OR6N1: variants seen among roughly 807,000 people sequenced by gnomAD.
OR6N1 encodes the protein olfactory receptor 6N1.
For missense variants in OR6N1, 394 were observed against 371.7 expected, an observed-to-expected ratio of 1.06 and a Z score of -0.49; for synonymous variants, 170 against 150.7, an observed-to-expected ratio of 1.13 and a Z score of -0.94.
At chr1:158,823,465 T>G in the OR6N1 span, among the ~76,000 whole-genome samples, 1 of 152,226 alleles carries the variant, frequency 6.6e-6, no homozygotes, top group South Asian at 2.1e-4. Context: ...GGAATTTACC[T>G]ATTTCTTCTA....
the OR6N1 span, among the ~76,000 whole-genome samples, chr1:158,802,472 A>G: frequency 2.0e-5 from 3 of 151,972 alleles, no homozygotes; most frequent in Non-Finnish European, 4.4e-5. Context: ...CCTCCCCGTC[A>G]TAGCTTTTCA....
At chr1:158,777,100 C>G, upstream of OR6N1, 1 of 1,614,104 alleles carries the variant, frequency 6.2e-7, no homozygotes, top group South Asian at 1.1e-5. Flanking sequence ...TGGAAAGTCA[C>G]AGAAAATGTG....
the OR6N1 span, among the ~76,000 whole-genome samples, chr1:158,822,780 T>C: frequency 2.6e-5 from 4 of 152,208 alleles, no homozygotes; most frequent in Non-Finnish European, 4.4e-5. Context: ...CATTCTTTTC[T>C]TGTTTTGGTT....
At chr1:158,778,255 G>C in the OR6N1 span, among the ~76,000 whole-genome samples, 26,617 of 152,076 alleles carry the variant, frequency 0.18, 2,655 homozygotes, top group South Asian at 0.48. Flanking sequence ...CAACCCTGTA[G>C]AGAAGCAGAC....
the OR6N1 span, among the ~76,000 whole-genome samples, chr1:158,802,883 A>G: frequency 6.5e-4 from 99 of 151,956 alleles, no homozygotes; most frequent in African/African-American, 2.4e-3. Context: ...TATCCTCAAT[A>G]TGTTCATCAA....
chr1:158,831,920 G>A, the OR6N1 span, among the ~76,000 whole-genome samples: 23 of 152,066 alleles, frequency 1.5e-4, no homozygotes, highest in Admixed American at 1.5e-3. Flanking sequence ...AAATTATTAT[G>A]AAGTAATATT....
chr1:158,818,663 A>G, the OR6N1 span, among the ~76,000 whole-genome samples: 5 of 152,306 alleles, frequency 3.3e-5, no homozygotes, highest in African/African-American at 1.2e-4. Context: ...GCCCAACAAT[A>G]TGCAATGCGC....
the OR6N1 span, chr1:158,777,762 C>T: frequency 3.2e-6 from 2 of 624,034 alleles, no homozygotes; most frequent in East Asian, 2.8e-5. Flanking sequence ...CTACTGTTGC[C>T]CTCACTACTA....
At chr1:158,788,148 T>G in the OR6N1 span, among the ~76,000 whole-genome samples, 3 of 152,198 alleles carry the variant, frequency 2.0e-5, no homozygotes, top group Non-Finnish European at 2.9e-5. Flanking sequence ...TGTTTATAAA[T>G]TTGTTGATTA....
rs1343173645 is a variant in OR6N1, at chr1:158,764,947, T to A, written c.*797A>T. The A allele has an allele frequency of 6.6e-6, 1 of 152,128 alleles. No individual in the cohort carries two copies. Among genetic ancestry groups the A allele is most frequent in the Non-Finnish European group, 1.5e-5 (1 of 68,002 alleles). 9.4% of individuals were successfully genotyped at this position (152,128 alleles called of 1,614,324 possible). On this transcript the variant is annotated 3_prime_UTR_variant, in exon 2 of 2. Coordinates refer to ENST00000641846, the MANE Select transcript of OR6N1 (RefSeq NM_001005185.2). ...TTGTATACTATACAAGTATTCCTTC[T>A]GGCTGGTTTGCTCCTTTCCTTTGGA... is the stretch of plus-strand genomic sequence containing the variant.
chr1:158,812,213 G>A, the OR6N1 span, among the ~76,000 whole-genome samples: 1 of 152,146 alleles, frequency 6.6e-6, no homozygotes, highest in East Asian at 1.9e-4. Flanking sequence ...CTGCGTGTTC[G>A]CCTTCAGAAA....
At chr1:158,801,200 CTG>C in the OR6N1 span, among the ~76,000 whole-genome samples, 2 of 150,220 alleles carry the variant, frequency 1.3e-5, no homozygotes, top group Non-Finnish European at 3.0e-5. Context: ...TGTGGTCTGT[CTG>C]TGTGTGTATG....
the OR6N1 span, among the ~76,000 whole-genome samples, chr1:158,835,614 GT>G: frequency 3.2e-5 from 2 of 62,448 alleles, no homozygotes; most frequent in African/African-American, 1.2e-4. Flanking sequence ...CCTATTTTTG[GT>G]GGGGGCGGGG....
the OR6N1 span, among the ~76,000 whole-genome samples, chr1:158,789,640 A>G: frequency 6.6e-6 from 1 of 152,140 alleles, no homozygotes; most frequent in Non-Finnish European, 1.5e-5. Flanking sequence ...TATTCTTTTG[A>G]GAAATATCCA....
chr1:158,781,540 G>A, the OR6N1 span, among the ~76,000 whole-genome samples: 1 of 152,134 alleles, frequency 6.6e-6, no homozygotes, highest in African/African-American at 2.4e-5. Flanking sequence ...CTGAAAATGT[G>A]ACCCTAATCC....
At chr1:158,820,190 C>T in the OR6N1 span, among the ~76,000 whole-genome samples, 13,152 of 152,284 alleles carry the variant, frequency 0.086, 789 homozygotes, top group Middle Eastern at 0.15. Context: ...AAGCAGTTTT[C>T]CTCCCTGGGT....
At chr1:158,798,089 A>G in the OR6N1 span, among the ~76,000 whole-genome samples, 4 of 151,960 alleles carry the variant, frequency 2.6e-5, no homozygotes, top group East Asian at 1.9e-4. Flanking sequence ...ACTTTGATGC[A>G]TCTGTAATTC....
chr1:158,779,018 C>CAAA, the OR6N1 span, among the ~76,000 whole-genome samples: 1 of 86,408 alleles, frequency 1.2e-5, no homozygotes, highest in Admixed American at 1.3e-4. Context: ...GACTGCGTCT[C>CAAA]AAAAAAAAAA....
the OR6N1 span, among the ~76,000 whole-genome samples, chr1:158,792,249 C>A: frequency 1.3e-5 from 2 of 152,074 alleles, no homozygotes; most frequent in Admixed American, 6.5e-5. Context: ...GCAAGAAATA[C>A]TTTTTCCACC....
Sources: allele counts gnomAD v4.1 joint callset (sites outside exome capture counted in the v4.1 genomes callset), GRCh38; gene constraint gnomAD v4.1.1; transcripts MANE v1.5; gene names NCBI Gene and HGNC (gene_info 2026-07-23, HGNC 2026-07-21).